SYTL5: variants seen among roughly 807,000 people sequenced by gnomAD.
SYTL5 encodes synaptotagmin like 5.
Under a neutral mutation model 55.9 loss-of-function variants are expected in SYTL5, and 34 were observed. That is an observed-to-expected ratio of 0.61 (90% CI 0.46 to 0.81). The LOEUF is 0.81. SYTL5 is among the 30% of genes least tolerant of loss of function. SYTL5 has a pLI of 0.00. For missense variants in SYTL5, 637 were observed against 546.7 expected (o/e 1.17, Z -1.65); for synonymous variants, 221 against 188.7 (o/e 1.17, Z -1.40).
chrX:38,121,730 A>G (rs1234854917), intron 14 of SYTL5, among the ~76,000 whole-genome samples: 2 of 112,480 alleles, frequency 1.8e-5, no homozygotes, highest in Non-Finnish European at 3.8e-5. Context: ...TATTGTCTTC[A>G]TCATAGTTAT....
rs6611083 is a variant in SYTL5, at chrX:38,093,270, A to T, written c.832-1025A>T. ...AGCCACATTTCACTGTAATGAGTTCATCAGAGTGTCCCTGAATGTCTAAGA... is the reference window on the plus strand; with the variant it reads ...AGCCACATTTCACTGTAATGAGTTCTTCAGAGTGTCCCTGAATGTCTAAGA... On this transcript the variant is annotated intron_variant, in intron 7 of 16. Coordinates refer to ENST00000297875, the MANE Select transcript of SYTL5 (RefSeq NM_138780.3). 2.4e-4 allele frequency among the ~76,000 whole-genome samples: 27 copies of T among 112,337 alleles called. 1 individual carries two copies. The East Asian group carries it at 7.3e-3, about 30-fold the overall frequency.
intron 1 of SYTL5, among the ~76,000 whole-genome samples, chrX:38,022,299 A>G (rs907792033): frequency 4.4e-5 from 5 of 112,385 alleles, no homozygotes; most frequent in Non-Finnish European, 9.4e-5. Flanking sequence ...GATAGATACT[A>G]TGAGTTTCCA....
the SYTL5 span, among the ~76,000 whole-genome samples, chrX:37,899,497 C>T: frequency 8.9e-6 from 1 of 112,015 alleles, no homozygotes; most frequent in Admixed American, 9.5e-5. Flanking sequence ...CTGTTAACAC[C>T]CAACCCTAAA....
intron 5 of SYTL5, 147 bp from the exon 6 acceptor site, chrX:38,076,420 C>A: frequency 2.2e-6 from 1 of 462,204 alleles, no homozygotes; most frequent in East Asian, 3.9e-5. Flanking sequence ...TGCAGAGGCA[C>A]TGGGAACTCT....
the SYTL5 span, among the ~76,000 whole-genome samples, chrX:37,904,206 A>G: frequency 9.5e-6 from 1 of 105,623 alleles, no homozygotes; most frequent in South Asian, 4.6e-4. Flanking sequence ...GATTTTTGAT[A>G]GGTAAGAATT....
the SYTL5 span, among the ~76,000 whole-genome samples, chrX:37,918,992 T>G: frequency 9.1e-6 from 1 of 110,383 alleles, no homozygotes; most frequent in Non-Finnish European, 1.9e-5. Flanking sequence ...GCATCTGCAG[T>G]ACAAGAAGGC....
the SYTL5 span, among the ~76,000 whole-genome samples, chrX:37,965,073 T>C: frequency 8.9e-6 from 1 of 111,787 alleles, no homozygotes; most frequent in African/African-American, 3.2e-5. Flanking sequence ...CAATTTTATT[T>C]GTTCTCTAAC....
At chrX:37,960,856 C>T in the SYTL5 span, among the ~76,000 whole-genome samples, 46,941 of 105,300 alleles carry the variant, frequency 0.45, 8,412 homozygotes, top group South Asian at 0.67. Context: ...AGTGCAGTGG[C>T]GCAATCTCGG....
At chrX:37,953,713 T>A in the SYTL5 span, among the ~76,000 whole-genome samples, 1 of 111,575 alleles carries the variant, frequency 9.0e-6, no homozygotes, top group Non-Finnish European at 1.9e-5. Context: ...CACATGCCCA[T>A]CCCTCTACTA....
the SYTL5 span, among the ~76,000 whole-genome samples, chrX:37,952,778 A>G: frequency 9.0e-6 from 1 of 111,396 alleles, no homozygotes; most frequent in African/African-American, 3.3e-5. Flanking sequence ...AGAAAATGAT[A>G]GATTCAAGAA....
At chrX:38,072,229 C>G (rs1003546883) in intron 4 of SYTL5, 67 bp downstream of exon 4, 9 of 831,511 alleles carry the variant, frequency 1.1e-5, no homozygotes, top group Non-Finnish European at 1.6e-5. Flanking sequence ...AATAACTTCT[C>G]TATGTTATGT....
At chrX:37,981,107 A>ACTT in the SYTL5 span, among the ~76,000 whole-genome samples, 1 of 112,144 alleles carries the variant, frequency 8.9e-6, no homozygotes, top group Non-Finnish European at 1.9e-5. Flanking sequence ...AAAGGAACTG[A>ACTT]CTTTATTTGC....
At chrX:38,051,945 AATG>A (rs1281868069) in intron 2 of SYTL5, among the ~76,000 whole-genome samples, 1 of 111,396 alleles carries the variant, frequency 9.0e-6, no homozygotes, top group African/African-American at 3.3e-5. Flanking sequence ...TGAGAGGAGA[AATG>A]ATGGATAATG....
chrX:37,913,209 T>C, the SYTL5 span, among the ~76,000 whole-genome samples: 1 of 112,311 alleles, frequency 8.9e-6, no homozygotes, highest in Non-Finnish European at 1.9e-5. Context: ...GGTGGCACCA[T>C]GGAGCTACTG....
chrX:37,979,431 A>G, the SYTL5 span, among the ~76,000 whole-genome samples: 3 of 105,756 alleles, frequency 2.8e-5, no homozygotes, highest in African/African-American at 1.0e-4. Flanking sequence ...AGTTTCTTGC[A>G]TGACTCAGCC....
intron 6 of SYTL5, among the ~76,000 whole-genome samples, chrX:38,079,836 A>T (rs1336032433): frequency 1.8e-5 from 2 of 111,878 alleles, no homozygotes; most frequent in South Asian, 3.8e-4. Context: ...GCACTCCTAT[A>T]CCAGTCAGTC....
chrX:38,045,348 TA>T (rs1465385896), intron 2 of SYTL5, among the ~76,000 whole-genome samples: 1 of 112,811 alleles, frequency 8.9e-6, no homozygotes, highest in East Asian at 2.8e-4. Flanking sequence ...TCTTAGGTTA[TA>T]AGGGATTGGT....
At position 38,094,368 on chromosome X, in the gene SYTL5, G is replaced by A. The variant is rs150600953; in HGVS notation, c.905G>A (p.Arg302His). ...GTSQELTKSH[R>H]RNTSGTPSIA... ...TCTCAGGAGCTCACAAAGAGTCACC[G>A]CAGAAACACTTCTGGCACACCTTCC... Residue 302 changes from arginine to histidine, a missense_variant, in exon 8 of 17, where the codon CGC becomes CAC. Physicochemically the swap from Arg to His is conservative, Grantham distance 29. Transcript: ENST00000297875. 3.4e-4 allele frequency: 407 copies of A among 1,203,724 alleles called. 5 individuals carry two copies. The South Asian group carries it at 5.6e-3, about 17-fold the overall frequency.
chrX:37,992,401 G>A, the SYTL5 span, among the ~76,000 whole-genome samples: 5 of 113,015 alleles, frequency 4.4e-5, no homozygotes, highest in African/African-American at 6.4e-5. Context: ...CTGCACAGCC[G>A]GCTCCAACAA....
Sources: gnomAD v4.1 joint callset for allele counts (sites outside exome capture counted in the v4.1 genomes callset) on GRCh38, gnomAD v4.1.1 for gene constraint, MANE v1.5 for transcripts, NCBI Gene and HGNC (gene_info 2026-07-23, HGNC 2026-07-21) for gene names.